The following NEK4 variants were observed in gnomAD, a reference collection of about 807,000 sequenced individuals.
NEK4 encodes serine/threonine-protein kinase Nek4.
In NEK4, 86 loss-of-function variants were observed where a neutral mutation model predicts 98.4. That is an observed-to-expected ratio of 0.87 (90% CI 0.73 to 1.05). The LOEUF (loss-of-function observed/expected upper bound fraction) is 1.05. Among genes scored for constraint, NEK4 ranks in the 50% least tolerant of loss-of-function variants. The pLI is 0.00. For missense variants in NEK4, 898 were observed against 950.3 expected, an observed-to-expected ratio of 0.94 and a Z score of 0.72; for synonymous variants, 328 against 342.2, an observed-to-expected ratio of 0.96 and a Z score of 0.46.
intron 6 of NEK4, among the ~76,000 whole-genome samples, chr3:52,752,933 T>TATACACACACACACACACACACAC (rs148965312): frequency 6.6e-5 from 5 of 75,558 alleles, no homozygotes; most frequent in East Asian, 3.4e-4. Flanking sequence ...TATATATATA[T>TATACACACACACACACACACACAC]ACACACACAC....
intron 1 of NEK4, among the ~76,000 whole-genome samples, chr3:52,769,657 G>A (rs1316206794): frequency 6.6e-6 from 1 of 152,234 alleles, no homozygotes; most frequent in East Asian, 1.9e-4. Flanking sequence ...AGACAAGGAA[G>A]AACAGGCAAT....
rs560469862 is a variant in NEK4 at position 52,760,958 on chromosome 3, G to T, written c.822-22C>A. 80 of 1,483,258 alleles carry T rather than the reference G, an allele frequency of 5.4e-5. No homozygotes were observed. In the South Asian group the frequency reaches 6.2e-4, roughly 11 times the overall value. The allele number at this position is 1,483,258 out of a possible 1,614,324, so 91.9% of individuals were successfully genotyped here. A position where few individuals can be genotyped will look rare whatever the true frequency, so the allele number is the denominator to read the frequency against. The stretch of plus-strand genomic sequence containing the variant: ...TTTTCTTTATAAAGAAGAAAAGAAA[G>T]AGTTATTATCAATATACTGAAGATT... On this transcript the variant is annotated intron_variant, in intron 5 of 15. Coordinates refer to ENST00000233027, the MANE Select transcript of NEK4 (RefSeq NM_003157.6).
intron 4 of NEK4, among the ~76,000 whole-genome samples, chr3:52,765,211 C>T (rs1485689513): frequency 6.6e-6 from 1 of 151,854 alleles, no homozygotes; most frequent in East Asian, 1.9e-4. Flanking sequence ...ATTAGCTGGG[C>T]CTGGCAGCAT....
At chr3:52,724,209 G>A (rs1052789324) in intron 15 of NEK4, among the ~76,000 whole-genome samples, 1 of 141,458 alleles carries the variant, frequency 7.1e-6, no homozygotes, top group Non-Finnish European at 1.5e-5. Flanking sequence ...CTCCACCCTG[G>A]GGACAGTGAG....
intron 14 of NEK4, 64 bp from the exon 15 acceptor site, chr3:52,737,783 G>A (rs191495758): frequency 3.5e-5 from 42 of 1,188,450 alleles, no homozygotes; most frequent in Non-Finnish European, 4.8e-5. Flanking sequence ...CAAGAACACT[G>A]CAATTTTTTA....
chr3:52,741,403 G>C lies in NEK4; in HGVS notation c.2093+8C>G. On this transcript the variant is annotated splice_region_variant and intron_variant, in intron 13 of 15. Transcript: ENST00000233027. ...TTTATAAAGGGAGACAGAAAAACAA[G>C]AACTTACCCTTCCCCGTAATCCCCA... 6.4e-7 allele frequency: 1 copy of C among 1,552,888 alleles called. No homozygotes were observed. The highest frequency in any genetic ancestry group is 8.9e-7 in the Non-Finnish European group (1 of 1,125,152).
chr3:52,737,770 T>C (rs767175352), intron 14 of NEK4, 51 bp from the exon 15 acceptor site: 17 of 1,347,198 alleles, frequency 1.3e-5, no homozygotes, highest in East Asian at 7.1e-5. Context: ...TTTACCACTA[T>C]AGCAAGAACA....
At chr3:52,750,903 C>G (rs550476649) in intron 7 of NEK4, among the ~76,000 whole-genome samples, 27 of 152,090 alleles carry the variant, frequency 1.8e-4, no homozygotes, top group Middle Eastern at 3.2e-3. Flanking sequence ...TGCACGCTAG[C>G]CTGAGCAGCA....
chr3:52,736,063 C>G (rs572232426), intron 15 of NEK4, among the ~76,000 whole-genome samples: 2 of 152,088 alleles, frequency 1.3e-5, no homozygotes, highest in African/African-American at 4.8e-5. Context: ...CTATGTCTTC[C>G]GTGGCATATT....
chr3:52,765,277 G>A (rs1313048604), intron 4 of NEK4, among the ~76,000 whole-genome samples: 1 of 151,694 alleles, frequency 6.6e-6, no homozygotes, highest in Non-Finnish European at 1.5e-5. Flanking sequence ...CTTGAACCTA[G>A]GAGGTAGAGG....
intron 6 of NEK4, among the ~76,000 whole-genome samples, chr3:52,759,924 G>A (rs984702669): frequency 1.3e-5 from 2 of 152,086 alleles, no homozygotes; most frequent in African/African-American, 4.8e-5. Flanking sequence ...CATGCTACAT[G>A]GATGAACCTT....
Position 52,739,490 on chromosome 3 carries a change from CAG to C in NEK4, c.2236_2237del (p.Leu746AspfsTer16). Reference sequence around the variant, plus strand: ...CTTCTGCAACCTTCCCATGAAGTATCAGTGTGTCCCGATATTTCCGATGAAGT... The same window carrying C: ...CTTCTGCAACCTTCCCATGAAGTATCTGTGTCCCGATATTTCCGATGAAGT... ...FKLHRKYRDT[L>X]ILHGKVAEEA... On this transcript the variant is annotated frameshift_variant, in exon 14 of 16. Transcript: ENST00000233027. LOFTEE classifies it high-confidence loss of function. The C allele has an allele frequency of 6.2e-7, 1 of 1,614,170 alleles. No homozygotes were observed. The highest frequency in any genetic ancestry group is 8.5e-7 in the Non-Finnish European group (1 of 1,180,020).
chr3:52,768,710 A>G (rs1698671790), intron 1 of NEK4, 106 bp from the exon 2 acceptor site: 2 of 948,158 alleles, frequency 2.1e-6, no homozygotes, highest in Middle Eastern at 3.0e-4. Flanking sequence ...AACCTTGTGG[A>G]GCCTGTCAGA....
At chr3:52,762,145 G>C (rs576637217) in intron 5 of NEK4, among the ~76,000 whole-genome samples, 9 of 152,332 alleles carry the variant, frequency 5.9e-5, no homozygotes, top group African/African-American at 2.2e-4. Flanking sequence ...GTTTTGTCCA[G>C]CCCTAAGTCT....
At chr3:52,768,252 T>C (rs1698648964) in intron 2 of NEK4, 86 bp downstream of exon 2, 4 of 1,225,098 alleles carry the variant, frequency 3.3e-6, no homozygotes, top group South Asian at 2.8e-5. Context: ...TATATGTAAG[T>C]ATCTGAAGAA....
chr3:52,718,451 CGACAGAGTAA>C (rs1561283875), intron 15 of NEK4, among the ~76,000 whole-genome samples: 1 of 130,824 alleles, frequency 7.6e-6, no homozygotes, highest in East Asian at 2.3e-4. Context: ...CCAGCCTGGG[CGACAGAGTAA>C]GACTCCGTCT....
chr3:52,709,279 A>G lies in NEK4; in HGVS notation c.*2498T>C, dbSNP rs1376332699. 6.6e-6 allele frequency: 1 copy of G among 152,222 alleles called. No individual in the cohort carries two copies. The highest frequency in any genetic ancestry group is 1.5e-5 in the Non-Finnish European group (1 of 68,046). 9.4% of individuals were successfully genotyped at this position (152,222 alleles called of 1,614,324 possible). On this transcript the variant is annotated 3_prime_UTR_variant, in exon 16 of 16. Transcript: ENST00000233027. ...CTGTGGCCAAAGGTATATTCGGAAG[A>G]AAATTCACAGTCTTAAAGATGAGTT...
chr3:52,754,936 C>T (rs910003571), intron 6 of NEK4, among the ~76,000 whole-genome samples: 7 of 151,512 alleles, frequency 4.6e-5, no homozygotes, highest in Non-Finnish European at 5.9e-5. Context: ...TAGCCGGGCG[C>T]GGTGGCAGGC....
At chr3:52,750,455 C>G (rs1306254823) in intron 7 of NEK4, among the ~76,000 whole-genome samples, 1 of 151,804 alleles carries the variant, frequency 6.6e-6, no homozygotes, top group Non-Finnish European at 1.5e-5. Context: ...GACGGAGGCA[C>G]GAGAATCATT....
Sources: allele counts gnomAD v4.1 joint callset (sites outside exome capture counted in the v4.1 genomes callset), GRCh38; gene constraint gnomAD v4.1.1; transcripts MANE v1.5; gene names NCBI Gene and HGNC (gene_info 2026-07-23, HGNC 2026-07-21).